The following WWOX variants were observed in gnomAD, a reference collection of about 807,000 sequenced individuals.
WWOX encodes WW domain containing oxidoreductase, also known as WW domain-containing oxidoreductase.
WWOX carries 69 observed loss-of-function variants against 46.2 expected under a neutral mutation model. The ratio of observed to expected loss-of-function variants is 1.49; its 90% CI spans 1.23 to 1.82. The LOEUF is 1.82. Ranked by LOEUF, WWOX falls within the 40% of genes most tolerant of loss-of-function variation. The probability of loss-of-function intolerance (pLI) is 0.00; values close to 1 mark genes in which losing one functional copy is unlikely to be tolerated. For synonymous variants in WWOX, 359 were observed against 202.6 expected, an observed-to-expected ratio of 1.77 and a Z score of -6.56; for missense variants, 919 against 542.6, an observed-to-expected ratio of 1.69 and a Z score of -6.89.
intron 8 of WWOX, among the ~76,000 whole-genome samples, chr16:79,035,627 C>T (rs758748098): frequency 2.0e-5 from 3 of 152,208 alleles, no homozygotes; most frequent in Non-Finnish European, 1.5e-5. Context: ...GCAACCTCGT[C>T]TCCCGGGTTC....
intron 8 of WWOX, among the ~76,000 whole-genome samples, chr16:78,889,394 G>C (rs557478804): frequency 4.9e-4 from 63 of 128,320 alleles, no homozygotes; most frequent in South Asian, 9.6e-4. Context: ...CCTAAACCCT[G>C]CAAACTGGGT....
intron 4 of WWOX, among the ~76,000 whole-genome samples, chr16:78,139,103 T>C (rs186465003): frequency 2.0e-5 from 3 of 152,324 alleles, no homozygotes; most frequent in East Asian, 1.9e-4. Flanking sequence ...GGCAAAGTCA[T>C]TGGGTCATGT....
At chr16:79,141,664 C>T (rs186763476) in intron 8 of WWOX, among the ~76,000 whole-genome samples, 33 of 152,016 alleles carry the variant, frequency 2.2e-4, no homozygotes, top group Middle Eastern at 3.4e-3. Flanking sequence ...TCATATTTGG[C>T]CAGAAGGAAG....
At chr16:78,578,018 G>A (rs929491290) in intron 8 of WWOX, among the ~76,000 whole-genome samples, 1 of 151,832 alleles carries the variant, frequency 6.6e-6, no homozygotes, top group Non-Finnish European at 1.5e-5. Context: ...GAGGAAAAAA[G>A]TATACCGCCA....
intron 5 of WWOX, among the ~76,000 whole-genome samples, chr16:78,350,917 A>G (rs2081172058): frequency 1.6e-5 from 1 of 60,640 alleles, no homozygotes; most frequent in Admixed American, 1.5e-4. Flanking sequence ...TCTAACCAGC[A>G]GTGTAGGAAG....
intron 8 of WWOX, among the ~76,000 whole-genome samples, chr16:78,991,021 T>A (rs1372359228): frequency 1.3e-5 from 2 of 152,168 alleles, no homozygotes; most frequent in African/African-American, 4.8e-5. Context: ...TTTGTTAGAT[T>A]TATAAAGTGC....
chr16:78,860,069 G>A (rs901993287), intron 8 of WWOX, among the ~76,000 whole-genome samples: 4 of 152,192 alleles, frequency 2.6e-5, no homozygotes, highest in African/African-American at 7.2e-5. Context: ...TTTTCTAGCC[G>A]CATATTAGCA....
intron 5 of WWOX, among the ~76,000 whole-genome samples, chr16:78,288,416 TTGGCCTGATTTTTGTTGTGG>T (rs2079806329): frequency 6.6e-6 from 1 of 152,136 alleles, no homozygotes; most frequent in South Asian, 2.1e-4. Flanking sequence ...TTGATCTAGG[TTGGCCTGATTTTTGTTGTGG>T]TGGCAGTGGT....
At chr16:78,825,786 T>C in intron 8 of WWOX, 1 of 596,970 alleles carries the variant, frequency 1.7e-6, no homozygotes, top group Non-Finnish European at 3.1e-6. Flanking sequence ...ATTGATGCTG[T>C]TGTGTGCCAT....
At chr16:78,579,731 G>T (rs146473943) in intron 8 of WWOX, among the ~76,000 whole-genome samples, 2 of 152,268 alleles carry the variant, frequency 1.3e-5, no homozygotes, top group African/African-American at 4.8e-5. Flanking sequence ...TCTTTCTTTA[G>T]AGAAAACAAA....
At chr16:78,371,423 T>C (rs759131084) in intron 5 of WWOX, among the ~76,000 whole-genome samples, 1 of 152,242 alleles carries the variant, frequency 6.6e-6, no homozygotes, top group Non-Finnish European at 1.5e-5. Flanking sequence ...CAATAACGTA[T>C]GAAAAGAATC....
chr16:79,043,529 G>A (rs938782065), intron 8 of WWOX, among the ~76,000 whole-genome samples: 1 of 152,108 alleles, frequency 6.6e-6, no homozygotes, highest in Non-Finnish European at 1.5e-5. Context: ...AGGCATAGCT[G>A]GATCCAGGAT....
rs752791786 is a variant in WWOX, at chr16:78,452,878, T to TATATATATACATACATAC, written c.1056+20129_1056+20130insTATATACATACATACATA. On this transcript the variant is annotated intron_variant, in intron 8 of 8. Transcript: ENST00000566780. Reference sequence around the variant, plus strand: ...TTCCAGTGAGCTATTTATATATATATATACATATTTTTGAGAGGGAATCTT... The same window carrying TATATATATACATACATAC: ...TTCCAGTGAGCTATTTATATATATATATATATATACATACATACATACATATTTTTGAGAGGGAATCTT... Among the ~76,000 whole-genome samples, 45 of 143,108 alleles carry TATATATATACATACATAC rather than the reference T, an allele frequency of 3.1e-4. 1 individual carries two copies. Among genetic ancestry groups the TATATATATACATACATAC allele is most frequent in the African/African-American group, 1.2e-3 (42 of 34,138 alleles). 93.9% of individuals were successfully genotyped at this position (143,108 alleles called of 152,430 possible). A position where few individuals can be genotyped will look rare whatever the true frequency, so the allele number is the denominator to read the frequency against.
At chr16:78,877,405 C>T (rs780328867) in intron 8 of WWOX, among the ~76,000 whole-genome samples, 5 of 152,042 alleles carry the variant, frequency 3.3e-5, no homozygotes, top group African/African-American at 9.7e-5. Flanking sequence ...CTTTGCTGCT[C>T]CTTCTGCCTG....
At chr16:78,378,461 T>G (rs1225859707) in intron 5 of WWOX, among the ~76,000 whole-genome samples, 1 of 152,216 alleles carries the variant, frequency 6.6e-6, no homozygotes, top group East Asian at 1.9e-4. Flanking sequence ...CCAGTGAAGA[T>G]GCGATCACCC....
At chr16:78,915,652 C>G (rs906802852) in intron 8 of WWOX, among the ~76,000 whole-genome samples, 4 of 151,434 alleles carry the variant, frequency 2.6e-5, no homozygotes, top group African/African-American at 7.3e-5. Flanking sequence ...AAGATAGTTT[C>G]TTACCGTTTG....
chr16:79,136,079 A>G (rs2347090), intron 8 of WWOX, among the ~76,000 whole-genome samples: 66,369 of 151,974 alleles, frequency 0.44, 14,937 homozygotes, highest in African/African-American at 0.55. Flanking sequence ...TGCACAGTGA[A>G]TTTGGCAGAA....
chr16:78,260,757 G>A (rs1013968706), intron 5 of WWOX, among the ~76,000 whole-genome samples: 1 of 149,942 alleles, frequency 6.7e-6, no homozygotes, highest in African/African-American at 2.5e-5. Flanking sequence ...TGGGCAACAT[G>A]GTGAAACCCC....
At chr16:79,028,053 G>A (rs886398348) in intron 8 of WWOX, among the ~76,000 whole-genome samples, 3 of 151,774 alleles carry the variant, frequency 2.0e-5, no homozygotes, top group Non-Finnish European at 2.9e-5. Context: ...CTGGGTTCAC[G>A]CCATTCTCCT....
Sources: gnomAD v4.1 joint callset for allele counts (sites outside exome capture counted in the v4.1 genomes callset) on GRCh38, gnomAD v4.1.1 for gene constraint, MANE v1.5 for transcripts, NCBI Gene and HGNC (gene_info 2026-07-23, HGNC 2026-07-21) for gene names.